Variants in PLCH1 observed in about 807,000 individuals in gnomAD.
PLCH1 encodes the protein 1-phosphatidylinositol 4,5-bisphosphate phosphodiesterase eta-1.
Under a neutral mutation model 126.7 loss-of-function variants are expected in PLCH1, and 60 were observed. The ratio of observed to expected loss-of-function variants is 0.47; its 90% CI spans 0.38 to 0.59. The LOEUF (loss-of-function observed/expected upper bound fraction) is 0.59, where lower values mean the gene tolerates loss of function less well. Among genes scored for constraint, PLCH1 ranks in the 20% least tolerant of loss-of-function variants. The probability of loss-of-function intolerance (pLI) is 0.00; values close to 1 mark genes in which losing one functional copy is unlikely to be tolerated. For missense variants in PLCH1, 1,723 were observed against 2,040.0 expected (o/e 0.84, Z 2.99); for synonymous variants, 719 against 734.9 (o/e 0.98, Z 0.35).
intron 10 of PLCH1, among the ~76,000 whole-genome samples, chr3:155,549,391 A>G (rs16825084): frequency 0.044 from 6,770 of 152,162 alleles, 218 homozygotes; most frequent in Middle Eastern, 0.092. Flanking sequence ...TTTTTGACAG[A>G]CAGTTATTGG....
intron 10 of PLCH1, among the ~76,000 whole-genome samples, chr3:155,547,424 A>C (rs1218969813): frequency 4.8e-5 from 2 of 41,428 alleles, no homozygotes; most frequent in Admixed American, 3.7e-4. Flanking sequence ...AAATAGGAAC[A>C]CTTTTACACT....
chr3:155,545,156 A>G (rs1163109068), intron 10 of PLCH1, among the ~76,000 whole-genome samples: 1 of 152,040 alleles, frequency 6.6e-6, no homozygotes, highest in Non-Finnish European at 1.5e-5. Flanking sequence ...CTAATAAAGA[A>G]GAAAAGAGAG....
chr3:155,596,650 T>C (rs1187668391), intron 2 of PLCH1, among the ~76,000 whole-genome samples: 2 of 152,354 alleles, frequency 1.3e-5, no homozygotes, highest in East Asian at 3.8e-4. Context: ...TGTTCTGTTT[T>C]TTGGTATGAG....
intron 2 of PLCH1, among the ~76,000 whole-genome samples, chr3:155,626,279 G>A (rs1282631564): frequency 6.6e-6 from 1 of 151,634 alleles, no homozygotes; most frequent in African/African-American, 2.4e-5. Context: ...CAGAAACACA[G>A]GACACTGGAA....
At chr3:155,493,017 G>T (rs1716484096) in intron 17 of PLCH1, among the ~76,000 whole-genome samples, 164 bp from the exon 18 acceptor site, 1 of 152,248 alleles carries the variant, frequency 6.6e-6, no homozygotes, top group Admixed American at 6.5e-5. Context: ...AAACCATGTT[G>T]CCAAAGGCCA....
In PLCH1 at chr3:155,725,666, C is replaced by G. The variant is rs1180174203; in HGVS notation, c.-41+19174G>C. Reference sequence around the variant, plus strand: ...CGTTGGCCGGGCTGGTCTTGAACTCCTGACCTCAGGTGATCTGCCCGCCTC... The same window carrying G: ...CGTTGGCCGGGCTGGTCTTGAACTCGTGACCTCAGGTGATCTGCCCGCCTC... On this transcript the variant is annotated intron_variant, in intron 1 of 22. Coordinates refer to ENST00000460012, the MANE Select transcript of PLCH1 (RefSeq NM_014996.4). Among the ~76,000 whole-genome samples, 3 of 152,246 alleles carry G rather than the reference C, an allele frequency of 2.0e-5. No homozygotes were observed. The South Asian group carries it at 6.2e-4, about 32-fold the overall frequency.
intron 2 of PLCH1, among the ~76,000 whole-genome samples, chr3:155,676,868 TG>T (rs1410333820): frequency 6.6e-6 from 1 of 152,166 alleles, no homozygotes; most frequent in Non-Finnish European, 1.5e-5. Flanking sequence ...CCTGTGGACG[TG>T]GACAAGGTAG....
In PLCH1 at chr3:155,494,424, T is replaced by C. The variant is rs1009553215; in HGVS notation, c.1988A>G (p.Gln663Arg). The C allele has an allele frequency of 3.1e-6, 5 of 1,613,868 alleles. No homozygotes were observed. The highest frequency in any genetic ancestry group is 1.7e-5 in the Admixed American group (1 of 59,992). Residue 663 changes from glutamine (Q) to arginine (R), a missense_variant, in exon 16 of 23, where the codon CAA (glutamine) becomes CGA (arginine). Transcript: ENST00000460012. ...SEQFMIYNQK[Q>R]LTRIYPSAYR... ...GGCAGAGGGGTAAATCCTCGTGAGT[T>C]GCTTTTGATTATAAATCATGAACTG...
At chr3:155,532,086 T>C (rs978536291) in intron 10 of PLCH1, among the ~76,000 whole-genome samples, 8 of 152,210 alleles carry the variant, frequency 5.3e-5, no homozygotes, top group African/African-American at 1.9e-4. Context: ...TGTCTTGTCT[T>C]TTAACACATC....
intron 7 of PLCH1, among the ~76,000 whole-genome samples, chr3:155,566,156 TACACATAC>T (rs1158285922): frequency 0.1 from 6,206 of 62,232 alleles, 1,508 homozygotes; most frequent in Non-Finnish European, 0.15. Context: ...TATACATATA[TACACATAC>T]ATATATACAC....
chr3:155,467,569 T>A (rs1312862028), intron 21 of PLCH1, among the ~76,000 whole-genome samples: 2 of 140,456 alleles, frequency 1.4e-5, no homozygotes, highest in Non-Finnish European at 1.5e-5. Flanking sequence ...AACAAAACTC[T>A]GTCTCAAAAA....
At chr3:155,578,245 C>T (rs530079361) in intron 6 of PLCH1, among the ~76,000 whole-genome samples, 36 of 152,258 alleles carry the variant, frequency 2.4e-4, no homozygotes, top group Middle Eastern at 3.4e-3. Flanking sequence ...ACCTGTCTTA[C>T]GGCTAACATT....
intron 8 of PLCH1, among the ~76,000 whole-genome samples, chr3:155,556,827 G>A (rs1726877326): frequency 6.6e-6 from 1 of 152,148 alleles, no homozygotes; most frequent in African/African-American, 2.4e-5. Context: ...ACACCCACAA[G>A]CATGAGAGTC....
chr3:155,530,463 C>T (rs1368948741), intron 10 of PLCH1, among the ~76,000 whole-genome samples: 2 of 151,728 alleles, frequency 1.3e-5, no homozygotes, highest in Non-Finnish European at 2.9e-5. Flanking sequence ...ACTACAGGTG[C>T]CTGCCACCAC....
rs149902339 is a variant in PLCH1, at chr3:155,670,892, C to T, written c.79+33254G>A. Among the ~76,000 whole-genome samples, 9 of 152,204 alleles carry T rather than the reference C, an allele frequency of 5.9e-5. No individual in the cohort carries two copies. The East Asian group carries it at 1.7e-3, about 29-fold the overall frequency. Reference sequence around the variant, plus strand: ...TACCATACTGTTCCCCTTTCCATCTCGCACTCAGGAAGTATATATTTGCAG... The same window carrying T: ...TACCATACTGTTCCCCTTTCCATCTTGCACTCAGGAAGTATATATTTGCAG... On this transcript the variant is annotated intron_variant, in intron 2 of 22. Transcript: ENST00000460012.
In PLCH1 at chr3:155,704,199, C is replaced by A; in HGVS notation, c.26G>T (p.Arg9Met). MSYWNLEK[R>M]NCVQYRRHFL... ...ATGCCTGCGGTACTGCACACAGTTC[C>A]TTTTTTCCAAGTTCCAGTAACTCAT... is the stretch of plus-strand genomic sequence containing the variant. The change falls in exon 2 of 23, where the codon AGG (arginine) becomes ATG (methionine). Residue 9 changes from arginine to methionine, a missense_variant. This residue lies in a region of PLCH1 where 776 missense variants were observed against 1,062.9 expected (regional missense o/e 0.73). Coordinates refer to ENST00000460012, the MANE Select transcript of PLCH1 (RefSeq NM_014996.4). 1 of 1,229,940 alleles carries A rather than the reference C, an allele frequency of 8.1e-7. No individual in the cohort carries two copies. Among genetic ancestry groups the A allele is most frequent in the Non-Finnish European group, 1.0e-6 (1 of 986,350 alleles). The allele number at this position is 1,229,940 out of a possible 1,614,324, so 76.2% of individuals were successfully genotyped here.
intron 12 of PLCH1, among the ~76,000 whole-genome samples, chr3:155,505,891 G>A (rs1175338682): frequency 2.0e-5 from 3 of 147,994 alleles, no homozygotes; most frequent in Non-Finnish European, 4.5e-5. Flanking sequence ...CTCTTGGTCC[G>A]CTTTTTTTTT....
intron 10 of PLCH1, among the ~76,000 whole-genome samples, chr3:155,548,759 A>G (rs1486513386): frequency 6.6e-6 from 1 of 152,220 alleles, no homozygotes; most frequent in African/African-American, 2.4e-5. Context: ...CTTTTATTCA[A>G]AATACCTTTA....
chr3:155,522,734 G>A (rs2108287424), intron 11 of PLCH1, among the ~76,000 whole-genome samples: 1 of 146,046 alleles, frequency 6.8e-6, no homozygotes, highest in East Asian at 2.0e-4. Context: ...TTTTTAGAGG[G>A]TAGAATCATA....
Sources: gnomAD v4.1 joint callset for allele counts (sites outside exome capture counted in the v4.1 genomes callset) on GRCh38, gnomAD v4.1.1 for gene constraint, gnomAD v4.1.1 regional missense constraint, MANE v1.5 for transcripts, NCBI Gene and HGNC (gene_info 2026-07-23, HGNC 2026-07-21) for gene names.